Variants in SPAG16 observed in about 807,000 individuals in gnomAD.
The protein encoded by SPAG16 is sperm associated antigen 16.
A neutral mutation model predicts 80.4 loss-of-function variants in SPAG16; 86 were observed. The ratio of observed to expected loss-of-function variants is 1.07; its 90% CI spans 0.90 to 1.28. SPAG16 has a LOEUF of 1.28. Ranked by LOEUF, SPAG16 falls within the 50% of genes most tolerant of loss-of-function variation. The probability of loss-of-function intolerance (pLI) is 0.00; values close to 1 mark genes in which losing one functional copy is unlikely to be tolerated. For missense variants in SPAG16, 870 were observed against 765.3 expected (o/e 1.14, Z -1.61); for synonymous variants, 294 against 265.9 (o/e 1.11, Z -1.03).
chr2:213,566,270 A>C (rs1014729024), intron 10 of SPAG16, among the ~76,000 whole-genome samples: 10 of 152,176 alleles, frequency 6.6e-5, no homozygotes, highest in African/African-American at 2.4e-4. Flanking sequence ...AAATTGAGGG[A>C]AGTGCAAAGC....
At position 214,071,612 on chromosome 2, in the gene SPAG16, T is replaced by C. The variant is rs148847688; in HGVS notation, c.1528-36584T>C. 3.6e-3 allele frequency among the ~76,000 whole-genome samples: 542 copies of C among 152,294 alleles called. 4 individuals carry two copies. The highest frequency in any genetic ancestry group is 0.013 in the African/African-American group (520 of 41,598). ...CCAACATAAAATTGGGAGTTACTGG[T>C]GGATGTCTCCATGTTTACTGCACCA... On this transcript the variant is annotated intron_variant, in intron 13 of 15. Transcript: ENST00000331683.
chr2:213,822,907 G>A (rs903138026), intron 10 of SPAG16, among the ~76,000 whole-genome samples: 1 of 152,068 alleles, frequency 6.6e-6, no homozygotes, highest in Non-Finnish European at 1.5e-5. Context: ...GACATGATCT[G>A]GTTCCTTTTT....
At chr2:213,713,238 A>C (rs186742899) in intron 10 of SPAG16, among the ~76,000 whole-genome samples, 1 of 152,260 alleles carries the variant, frequency 6.6e-6, no homozygotes, top group Admixed American at 6.5e-5. Flanking sequence ...GACACAGCCA[A>C]ACCATACCAC....
At chr2:213,696,005 G>C (rs572185909) in intron 10 of SPAG16, among the ~76,000 whole-genome samples, 13 of 152,294 alleles carry the variant, frequency 8.5e-5, no homozygotes, top group Non-Finnish European at 1.6e-4. Flanking sequence ...AAGTAATGTA[G>C]GTGAGAGATA....
At chr2:214,240,523 C>A (rs962924154) in intron 15 of SPAG16, 1 of 152,004 alleles carries the variant, frequency 6.6e-6, no homozygotes, top group Non-Finnish European at 1.5e-5. Flanking sequence ...TACACAGCCA[C>A]CAAAATAATG....
At chr2:214,225,747 T>C (rs1329962193) in intron 15 of SPAG16, among the ~76,000 whole-genome samples, 1 of 152,116 alleles carries the variant, frequency 6.6e-6, no homozygotes, top group African/African-American at 2.4e-5. Context: ...TTACTTTACT[T>C]ATAATATAGT....
At chr2:213,340,314 T>C in intron 6 of SPAG16, 44 bp downstream of exon 6, 1 of 1,281,444 alleles carries the variant, frequency 7.8e-7, no homozygotes, top group Non-Finnish European at 1.1e-6. Context: ...AGTTATTTAA[T>C]ACATGTTAAG....
intron 10 of SPAG16, among the ~76,000 whole-genome samples, chr2:213,490,338 C>G (rs1302472224): frequency 1.3e-5 from 2 of 152,118 alleles, no homozygotes; most frequent in Non-Finnish European, 1.5e-5. Context: ...TAAAAATGCA[C>G]AAATCATTTT....
intron 11 of SPAG16, among the ~76,000 whole-genome samples, chr2:213,887,133 A>G (rs2076586649): frequency 6.6e-6 from 1 of 152,128 alleles, no homozygotes; most frequent in South Asian, 2.1e-4. Flanking sequence ...ATGTTGACAT[A>G]TTACATAACC....
At chr2:213,615,721 G>A (rs573989462) in intron 10 of SPAG16, among the ~76,000 whole-genome samples, 2 of 152,186 alleles carry the variant, frequency 1.3e-5, no homozygotes, top group African/African-American at 2.4e-5. Flanking sequence ...GTTATTTAAC[G>A]TTAGATAATA....
chr2:214,375,299 G>A (rs1212127377), intron 15 of SPAG16, among the ~76,000 whole-genome samples: 1 of 152,300 alleles, frequency 6.6e-6, no homozygotes, highest in East Asian at 1.9e-4. Flanking sequence ...TGTGGAAGTT[G>A]AAGTGTCTCT....
chr2:213,473,418 C>T (rs376888350), intron 9 of SPAG16, among the ~76,000 whole-genome samples: 21 of 152,108 alleles, frequency 1.4e-4, no homozygotes, highest in South Asian at 2.1e-4. Flanking sequence ...TTCAAAGATG[C>T]GGGTGCTATC....
chr2:213,581,208 G>A (rs2060286292), intron 10 of SPAG16, among the ~76,000 whole-genome samples: 1 of 151,802 alleles, frequency 6.6e-6, no homozygotes, highest in Admixed American at 6.6e-5. Flanking sequence ...TTAGGTACTG[G>A]CAACCTTTTA....
intron 10 of SPAG16, among the ~76,000 whole-genome samples, chr2:213,589,679 T>C (rs1284340960): frequency 6.6e-6 from 1 of 152,144 alleles, no homozygotes; most frequent in Non-Finnish European, 1.5e-5. Flanking sequence ...CCCGGCACTT[T>C]GGGAGGCTGA....
chr2:213,723,555 A>C (rs992535081), intron 10 of SPAG16, among the ~76,000 whole-genome samples: 1 of 152,192 alleles, frequency 6.6e-6, no homozygotes, highest in Non-Finnish European at 1.5e-5. Flanking sequence ...CAATAGCTTC[A>C]AGGATGCAAG....
chr2:214,137,719 CTTTAT>C (rs2055135457), intron 14 of SPAG16, among the ~76,000 whole-genome samples: 1 of 152,040 alleles, frequency 6.6e-6, no homozygotes, highest in Admixed American at 6.6e-5. Flanking sequence ...AGGGAAGTGA[CTTTAT>C]CTCTTTAAGC....
chr2:213,979,662 T>C (rs2045595877), intron 12 of SPAG16, among the ~76,000 whole-genome samples: 1 of 151,972 alleles, frequency 6.6e-6, no homozygotes, highest in Non-Finnish European at 1.5e-5. Context: ...CTCTACCTGG[T>C]CCCTCCCTTG....
intron 2 of SPAG16, 64 bp downstream of exon 2, chr2:213,296,174 A>G: frequency 1.7e-6 from 2 of 1,203,958 alleles, no homozygotes. Flanking sequence ...TGAAATGCTC[A>G]TTTTATTTTC....
intron 10 of SPAG16, among the ~76,000 whole-genome samples, chr2:213,738,811 G>C (rs947993345): frequency 6.6e-5 from 10 of 152,152 alleles, no homozygotes; most frequent in Non-Finnish European, 1.2e-4. Context: ...CATTTGGGGA[G>C]ATAGGGCTTT....
Sources: gnomAD v4.1 joint callset for allele counts (sites outside exome capture counted in the v4.1 genomes callset) on GRCh38, gnomAD v4.1.1 for gene constraint, MANE v1.5 for transcripts, NCBI Gene and HGNC (gene_info 2026-07-23, HGNC 2026-07-21) for gene names.